DPP10: variants seen among roughly 807,000 people sequenced by gnomAD.
DPP10 encodes dipeptidyl peptidase like 10, also known as inactive dipeptidyl peptidase 10.
A neutral mutation model predicts 120.9 loss-of-function variants in DPP10; 33 were observed. The ratio of observed to expected loss-of-function variants is 0.27; its 90% CI spans 0.21 to 0.37. The LOEUF is 0.37. Ranked by LOEUF, DPP10 falls within the 10% of genes least tolerant of loss-of-function variation. The probability of loss-of-function intolerance (pLI) is 1.00; values close to 1 mark genes in which losing one functional copy is unlikely to be tolerated. For synonymous variants in DPP10, 337 were observed against 326.1 expected (o/e 1.03, Z -0.36); for missense variants, 816 against 942.8 (o/e 0.87, Z 1.76).
At chr2:114,775,992 G>A (rs1303931771) in intron 1 of DPP10, among the ~76,000 whole-genome samples, 1 of 152,168 alleles carries the variant, frequency 6.6e-6, no homozygotes, top group African/African-American at 2.4e-5. Flanking sequence ...AGCAGAGGAG[G>A]TTCACTGTGC....
intron 1 of DPP10, among the ~76,000 whole-genome samples, chr2:115,255,783 C>T (rs549668525): frequency 5.3e-5 from 8 of 152,142 alleles, no homozygotes; most frequent in East Asian, 3.9e-4. Flanking sequence ...GTGGCCTGGG[C>T]GTCATTGTCC....
At chr2:115,766,679 C>T (rs963496610) in intron 12 of DPP10, among the ~76,000 whole-genome samples, 3 of 152,094 alleles carry the variant, frequency 2.0e-5, no homozygotes, top group Non-Finnish European at 4.4e-5. Context: ...GCTCACAGTA[C>T]TGCAGGCTGT....
chr2:115,078,875 A>G (rs1211604577), intron 1 of DPP10, among the ~76,000 whole-genome samples: 3 of 152,320 alleles, frequency 2.0e-5, no homozygotes, highest in Admixed American at 1.3e-4. Flanking sequence ...ACTATACAAT[A>G]ATATTTTGAT....
At chr2:114,647,280 C>A (rs1421865098) in intron 1 of DPP10, among the ~76,000 whole-genome samples, 1 of 152,158 alleles carries the variant, frequency 6.6e-6, no homozygotes, top group East Asian at 1.9e-4. Flanking sequence ...TTCCCATTGG[C>A]TGTCTCCTGG....
At chr2:114,664,228 CCTT>C (rs1309963515) in intron 1 of DPP10, among the ~76,000 whole-genome samples, 2 of 151,790 alleles carry the variant, frequency 1.3e-5, no homozygotes, top group Admixed American at 6.6e-5. Flanking sequence ...AACTCCTTTC[CCTT>C]CTTCTCACTG....
At chr2:115,287,063 A>T (rs1020692251) in intron 1 of DPP10, among the ~76,000 whole-genome samples, 2 of 152,076 alleles carry the variant, frequency 1.3e-5, no homozygotes, top group Non-Finnish European at 2.9e-5. Context: ...GGATTGCTTC[A>T]CTAGGGAAAG....
At chr2:114,521,933 G>A (rs1354841457) in intron 1 of DPP10, among the ~76,000 whole-genome samples, 13 of 117,238 alleles carry the variant, frequency 1.1e-4, no homozygotes, top group East Asian at 5.4e-4. Context: ...TCAGCCTCCC[G>A]AGTAGCTGGG....
intron 3 of DPP10, among the ~76,000 whole-genome samples, chr2:115,425,877 G>T (rs1437930628): frequency 6.6e-6 from 1 of 152,162 alleles, no homozygotes; most frequent in African/African-American, 2.4e-5. Context: ...AAGGGGAGGA[G>T]CCATGTCACA....
intron 1 of DPP10, among the ~76,000 whole-genome samples, chr2:114,498,561 T>C (rs1444612143): frequency 6.6e-6 from 1 of 152,212 alleles, no homozygotes; most frequent in African/African-American, 2.4e-5. Context: ...GTCCAAGGTA[T>C]GATGCCCATA....
At chr2:115,809,830 T>C (rs1232258584) in intron 19 of DPP10, among the ~76,000 whole-genome samples, 1 of 152,170 alleles carries the variant, frequency 6.6e-6, no homozygotes, top group Non-Finnish European at 1.5e-5. Context: ...CTTCCATTTA[T>C]TATAACTAAA....
At chr2:115,229,871 T>A (rs2057650883) in intron 1 of DPP10, among the ~76,000 whole-genome samples, 1 of 151,568 alleles carries the variant, frequency 6.6e-6, no homozygotes. Context: ...TTTCTTTTTT[T>A]TTTTTGGCTT....
chr2:115,172,713 C>T (rs1269478653), intron 1 of DPP10, among the ~76,000 whole-genome samples: 1 of 152,134 alleles, frequency 6.6e-6, no homozygotes, highest in Non-Finnish European at 1.5e-5. Context: ...GGTTTACTAT[C>T]CAAGAGGTGC....
intron 3 of DPP10, among the ~76,000 whole-genome samples, chr2:115,479,740 G>A (rs1466433458): frequency 3.3e-5 from 5 of 152,042 alleles, no homozygotes; most frequent in Non-Finnish European, 7.4e-5. Flanking sequence ...ACCTTCTTTA[G>A]CCCCTCTGAA....
chr2:114,740,843 C>T (rs1677982060), intron 1 of DPP10, among the ~76,000 whole-genome samples: 1 of 152,124 alleles, frequency 6.6e-6, no homozygotes, highest in Non-Finnish European at 1.5e-5. Flanking sequence ...GGTCCATTTT[C>T]TTCATGGGAT....
chr2:115,234,875 T>A (rs973902369), intron 1 of DPP10, among the ~76,000 whole-genome samples: 1 of 152,156 alleles, frequency 6.6e-6, no homozygotes, highest in African/African-American at 2.4e-5. Context: ...TTCTAAAAGT[T>A]GATCATTGGA....
intron 19 of DPP10, among the ~76,000 whole-genome samples, chr2:115,793,208 C>A (rs1216164580): frequency 3.9e-5 from 6 of 152,016 alleles, no homozygotes; most frequent in Non-Finnish European, 7.4e-5. Context: ...GAGCAAAATG[C>A]TGGTTTTGGA....
At chr2:114,754,919 G>T (rs1266281735) in intron 1 of DPP10, among the ~76,000 whole-genome samples, 4 of 152,128 alleles carry the variant, frequency 2.6e-5, no homozygotes, top group African/African-American at 9.7e-5. Flanking sequence ...AAATGGCCTG[G>T]CAAACAAAGG....
At chr2:115,706,095 T>C (rs939823367) in intron 7 of DPP10, among the ~76,000 whole-genome samples, 1 of 151,916 alleles carries the variant, frequency 6.6e-6, no homozygotes, top group East Asian at 1.9e-4. Context: ...ATATATTACA[T>C]ATGTAAATGT....
intron 1 of DPP10, among the ~76,000 whole-genome samples, chr2:114,497,319 GTATACGTGTATACATGTACA>G (rs1558814194): frequency 5.3e-5 from 1 of 18,776 alleles, no homozygotes; most frequent in Non-Finnish European, 1.6e-4. Flanking sequence ...ACATGTACAT[GTATACGTGTATACATGTACA>G]TATACATACA....
Sources: allele counts gnomAD v4.1 joint callset (sites outside exome capture counted in the v4.1 genomes callset), GRCh38; gene constraint gnomAD v4.1.1; transcripts MANE v1.5; gene names NCBI Gene and HGNC (gene_info 2026-07-23, HGNC 2026-07-21).